The following SASS6 variants were observed in gnomAD, a reference collection of about 807,000 sequenced individuals.
SASS6 encodes SAS-6 centriolar assembly protein.
Under a neutral mutation model 94.9 loss-of-function variants are expected in SASS6, and 59 were observed. The ratio of observed to expected loss-of-function variants is 0.62; its 90% CI spans 0.50 to 0.77. SASS6 has a LOEUF of 0.77. Among genes scored for constraint, SASS6 ranks in the 30% least tolerant of loss-of-function variants. The pLI is 0.00. For synonymous variants in SASS6, 264 were observed against 270.0 expected, an observed-to-expected ratio of 0.98 and a Z score of 0.22; for missense variants, 698 against 734.1, an observed-to-expected ratio of 0.95 and a Z score of 0.57.
intron 14 of SASS6, among the ~76,000 whole-genome samples, chr1:100,092,256 T>C (rs1445978366): frequency 6.6e-6 from 1 of 152,018 alleles, no homozygotes; most frequent in Non-Finnish European, 1.5e-5. Context: ...AATTTCTCAT[T>C]GGAAATCATG....
intron 11 of SASS6, 29 bp from the exon 12 acceptor site, chr1:100,107,022 C>G (rs1652958950): frequency 8.5e-6 from 8 of 940,346 alleles, no homozygotes; most frequent in Non-Finnish European, 1.4e-5. Context: ...CACAATAAGT[C>G]AAGCAAAATA....
At chr1:100,097,045 G>T (rs1300342840) in intron 14 of SASS6, among the ~76,000 whole-genome samples, 1 of 152,112 alleles carries the variant, frequency 6.6e-6, no homozygotes, top group African/African-American at 2.4e-5. Context: ...AACCCTGAAG[G>T]TGGAGGTTGT....
At chr1:100,096,461 T>C (rs1198905147) in intron 14 of SASS6, among the ~76,000 whole-genome samples, 1 of 152,244 alleles carries the variant, frequency 6.6e-6, no homozygotes. Context: ...GAGAAAATGT[T>C]TTCAACCTGT....
At chr1:100,090,341 T>C (rs1312014615) in intron 14 of SASS6, among the ~76,000 whole-genome samples, 3 of 151,936 alleles carry the variant, frequency 2.0e-5, no homozygotes, top group Non-Finnish European at 4.4e-5. Flanking sequence ...AATAAAAAAA[T>C]AGAAAATGAT....
At chr1:100,093,174 CTTT>C (rs909537970) in intron 14 of SASS6, among the ~76,000 whole-genome samples, 1 of 87,418 alleles carries the variant, frequency 1.1e-5, no homozygotes, top group Admixed American at 1.5e-4. Flanking sequence ...CTATTGTTTT[CTTT>C]TTTTTTTTTT....
At chr1:100,121,049 C>CAAAA (rs781458509) in intron 5 of SASS6, among the ~76,000 whole-genome samples, 1 of 48,256 alleles carries the variant, frequency 2.1e-5, no homozygotes, top group Non-Finnish European at 4.2e-5. Context: ...GACTCCGTCT[C>CAAAA]AAAAAAAAAA....
intron 15 of SASS6, among the ~76,000 whole-genome samples, chr1:100,086,305 T>C (rs555719646): frequency 6.6e-6 from 1 of 152,208 alleles, no homozygotes; most frequent in East Asian, 1.9e-4. Flanking sequence ...AATAAGTGGG[T>C]GAACAGACTT....
Position 100,107,627 on chromosome 1 carries a change from C to A in SASS6, c.1146+1G>T, listed in dbSNP as rs1653007238. On this transcript the variant is annotated splice_donor_variant, in intron 10 of 16. Transcript: ENST00000287482. LOFTEE classifies it high-confidence loss of function. ...TAGTCTATAAAATTTTTAAAACAAA[C>A]CTTCAGAAGTTCTGCAGATAATGAT... The A allele has an allele frequency of 6.3e-7, 1 of 1,587,326 alleles. No individual in the cohort carries two copies. Among genetic ancestry groups the A allele is most frequent in the African/African-American group, 1.4e-5 (1 of 73,734 alleles).
intron 14 of SASS6, among the ~76,000 whole-genome samples, chr1:100,097,214 A>C (rs146847543): frequency 3.2e-4 from 48 of 152,262 alleles, no homozygotes; most frequent in African/African-American, 1.1e-3. Context: ...AACAACTTGA[A>C]CTCTCAGACT....
rs146052977 is a variant in SASS6, at chr1:100,131,852, C to T, written c.65+898G>A. The stretch of plus-strand genomic sequence containing the variant: ...TCACACCTGATCCTCATTACAAACA[C>T]GTGAATACGCAAAAGATTTCACACC... On this transcript the variant is annotated intron_variant, in intron 1 of 16. Transcript: ENST00000287482. Among the ~76,000 whole-genome samples the T allele has an allele frequency of 1.7e-3, 252 of 152,204 alleles. 3 individuals are homozygous for T. The highest frequency in any genetic ancestry group is 5.6e-3 in the African/African-American group (233 of 41,512).
At position 100,113,329 on chromosome 1, in the gene SASS6, C is replaced by T. The variant is rs527881124; in HGVS notation, c.670-2846G>A. ...CTTGAAAATCAAGCCAAAAAAAAGG[C>T]CGGGCCCGGTGGCTCACGCCTGTAA... On this transcript the variant is annotated intron_variant, in intron 7 of 16. Coordinates refer to ENST00000287482, the MANE Select transcript of SASS6 (RefSeq NM_194292.3). Among the ~76,000 whole-genome samples, 8 of 152,146 alleles carry T rather than the reference C, an allele frequency of 5.3e-5. No homozygotes were observed. In the South Asian group the frequency reaches 1.0e-3, roughly 20 times the overall value.
intron 6 of SASS6, 26 bp from the exon 7 acceptor site, chr1:100,119,163 T>C: frequency 7.5e-7 from 1 of 1,325,568 alleles, no homozygotes; most frequent in Non-Finnish European, 1.0e-6. Context: ...ACACAAAATA[T>C]TAAGATAGGC....
In SASS6 at chr1:100,107,967, C is replaced by T. The variant is rs774060441; in HGVS notation, c.899G>A (p.Arg300Gln). Residue 300 changes from arginine (R) to glutamine (Q), a missense_variant, in exon 9 of 17, where the codon CGA becomes CAA. Physicochemically the swap from Arg to Gln is conservative, Grantham distance 43. Transcript: ENST00000287482. ...AACATCTAGTGTAGAATTCTCTCTT[C>T]GCAAAGAGAGGACTTCTTGCTTAGT... The part of the protein sequence containing the change: ...QRTKQEVLSL[R>Q]RENSTLDVEC... 26 of 1,610,998 alleles carry T rather than the reference C, an allele frequency of 1.6e-5. No individual in the cohort carries two copies. In the South Asian group the frequency reaches 2.1e-4, roughly 13 times the overall value.
At chr1:100,092,894 T>C (rs1471650739) in intron 14 of SASS6, among the ~76,000 whole-genome samples, 2 of 152,004 alleles carry the variant, frequency 1.3e-5, no homozygotes, top group East Asian at 3.9e-4. Flanking sequence ...GTTTTAAATA[T>C]GTATAATGGA....
intron 9 of SASS6, 22 bp from the exon 10 acceptor site, chr1:100,107,739 T>C (rs1297682865): frequency 2.6e-6 from 4 of 1,561,744 alleles, no homozygotes; most frequent in Non-Finnish European, 3.5e-6. Flanking sequence ...TTTAAAAACA[T>C]GAATAATTAG....
chr1:100,106,934 T>C lies in SASS6; in HGVS notation c.1386A>G (p.Gln462=), dbSNP rs748795221. The change falls in exon 12 of 17, where the codon CAA becomes CAG. Residue 462 remains glutamine, a synonymous_variant. Transcript: ENST00000287482. ...TACACTTTTCATTATTTTTTAGAAG[T>C]TGTTTGCTTTCTTCAAGTTTTTTAA... ...ATVKKLEESK[Q]LLKNNEKLIT... The C allele has an allele frequency of 2.2e-6, 3 of 1,383,334 alleles. No individual in the cohort carries two copies. The highest frequency in any genetic ancestry group is 2.4e-5 in the South Asian group (2 of 84,954). The allele number at this position is 1,383,334 out of a possible 1,614,324, so 85.7% of individuals were successfully genotyped here. A position where few individuals can be genotyped will look rare whatever the true frequency, so the allele number is the denominator to read the frequency against.
At chr1:100,110,832 C>T (rs1217953552) in intron 7 of SASS6, among the ~76,000 whole-genome samples, 1 of 151,754 alleles carries the variant, frequency 6.6e-6, no homozygotes, top group Admixed American at 6.6e-5. Context: ...ACAGGATGAA[C>T]CTACTTGTGT....
chr1:100,102,903 C>T lies in SASS6; in HGVS notation c.1674+52G>A, dbSNP rs576110722. On this transcript the variant is annotated intron_variant, in intron 14 of 16. Transcript: ENST00000287482. ...TTAAAAGATGTGAAATGTTTGTATG[C>T]TAATAGGTTGCTATATTTTTTCCCA... 2.6e-5 allele frequency: 36 copies of T among 1,402,990 alleles called. 2 individuals carry two copies. The South Asian group carries it at 3.8e-4, about 15-fold the overall frequency. The allele number at this position is 1,402,990 out of a possible 1,614,324, so 86.9% of individuals were successfully genotyped here. A position where few individuals can be genotyped will look rare whatever the true frequency, so the allele number is the denominator to read the frequency against.
Position 100,121,432 on chromosome 1 carries a change from A to C in SASS6, c.429T>G (p.Pro143=), listed in dbSNP as rs757038377. 1.9e-6 allele frequency: 3 copies of C among 1,598,890 alleles called. No homozygotes were observed. Among genetic ancestry groups the C allele is most frequent in the Non-Finnish European group, 2.6e-6 (3 of 1,174,378 alleles). The change falls in exon 5 of 17, where the codon CCT becomes CCG. Residue 143 remains proline (P), a synonymous_variant. Coordinates refer to ENST00000287482, the MANE Select transcript of SASS6 (RefSeq NM_194292.3). ...ATTTCTTTATCTCCACATCATTTCC[A>C]GGTAAAAGTTTTAGTGAGAGGTGTG... The part of the protein sequence containing the change: ...HLTHLSLKLL[P]GNDVEIKKFL...
Sources: allele counts gnomAD v4.1 joint callset (sites outside exome capture counted in the v4.1 genomes callset), GRCh38; gene constraint gnomAD v4.1.1; transcripts MANE v1.5; gene names NCBI Gene and HGNC (gene_info 2026-07-23, HGNC 2026-07-21).